The following PPHLN1 variants were observed in gnomAD, a reference collection of about 807,000 sequenced individuals.
PPHLN1 encodes periphilin-1.
In PPHLN1, 29 loss-of-function variants were observed where a neutral mutation model predicts 51.3. The observed-to-expected ratio is 0.57, with a 90% CI of 0.42 to 0.77. The LOEUF is 0.77. Among genes scored for constraint, PPHLN1 ranks in the 30% least tolerant of loss-of-function variants. The pLI is 0.00. For synonymous variants in PPHLN1, 147 were observed against 147.8 expected (o/e 0.99, Z 0.04); for missense variants, 436 against 438.4 (o/e 0.99, Z 0.05).
At chr12:42,365,655 T>G (rs1385843306) in intron 4 of PPHLN1, among the ~76,000 whole-genome samples, 1 of 152,226 alleles carries the variant, frequency 6.6e-6, no homozygotes, top group East Asian at 1.9e-4. Context: ...TGAGAGACAG[T>G]GCCTTATGGG....
intron 9 of PPHLN1, among the ~76,000 whole-genome samples, chr12:42,435,650 G>T (rs2082417199): frequency 6.6e-6 from 1 of 151,808 alleles, no homozygotes; most frequent in Non-Finnish European, 1.5e-5. Context: ...CGCCCCAATT[G>T]GAGTTTCTTT....
chr12:42,365,770 C>T (rs1462586449), intron 4 of PPHLN1, among the ~76,000 whole-genome samples: 3 of 152,194 alleles, frequency 2.0e-5, no homozygotes, highest in Non-Finnish European at 2.9e-5. Flanking sequence ...ACTGTCCTAA[C>T]TCTCAGGCTG....
chr12:42,442,832 G>GA, downstream of PPHLN1: 2 of 1,582,296 alleles, frequency 1.3e-6, no homozygotes. Context: ...CCACACAACA[G>GA]AAACAGTATA....
At chr12:42,351,691 G>A (rs961021983) in intron 2 of PPHLN1, among the ~76,000 whole-genome samples, 194 bp from the exon 3 acceptor site, 40 of 152,102 alleles carry the variant, frequency 2.6e-4, no homozygotes, top group Middle Eastern at 3.4e-3. Flanking sequence ...GGCTTTCTTC[G>A]TTGAACAACT....
intron 9 of PPHLN1, among the ~76,000 whole-genome samples, chr12:42,404,269 C>G (rs2079089445): frequency 6.6e-6 from 1 of 152,210 alleles, no homozygotes; most frequent in Non-Finnish European, 1.5e-5. Context: ...TGGCTCACGC[C>G]TGTAATCCCA....
intron 1 of PPHLN1, among the ~76,000 whole-genome samples, chr12:42,328,707 CTTTTTATT>C (rs781086675): frequency 5.9e-5 from 9 of 152,092 alleles, no homozygotes; most frequent in Non-Finnish European, 1.0e-4. Flanking sequence ...GAATGCAGTA[CTTTTTATT>C]TTTTTATTTT....
chr12:42,438,844 C>T (rs1267789055), intron 9 of PPHLN1, among the ~76,000 whole-genome samples: 6 of 152,126 alleles, frequency 3.9e-5, no homozygotes, highest in African/African-American at 9.7e-5. Flanking sequence ...CCTCGTGATC[C>T]GCCTGCCTCA....
At position 42,374,863 on chromosome 12, in the gene PPHLN1, G is replaced by A; in HGVS notation, c.300G>A (p.Arg100=). The change falls in exon 5 of 10, where the codon AGG becomes AGA. Residue 100 remains arginine (R), a splice_region_variant and synonymous_variant. Coordinates refer to ENST00000358314, the MANE Select transcript of PPHLN1 (RefSeq NM_201439.2). The stretch of plus-strand genomic sequence containing the variant: ...TTTTATGTTTTTTTTTTTTTCAAAG[G>A]GACATGAGAGATGGCTTTAGAAGAA... ...DHSASRQPEY[R]DMRDGFRRKS... 1 of 1,591,010 alleles carries A rather than the reference G, an allele frequency of 6.3e-7. No homozygotes were observed. The highest frequency in any genetic ancestry group is 1.4e-5 in the African/African-American group (1 of 73,302).
chr12:42,350,777 A>G (rs2073216744), intron 2 of PPHLN1, among the ~76,000 whole-genome samples: 1 of 152,168 alleles, frequency 6.6e-6, no homozygotes. Flanking sequence ...AGCCCGGCCA[A>G]CACGGCGAAA....
intron 9 of PPHLN1, among the ~76,000 whole-genome samples, chr12:42,426,172 C>CACACACA (rs2081440159): frequency 2.5e-5 from 3 of 122,188 alleles, no homozygotes; most frequent in African/African-American, 3.5e-5. Context: ...AGACTTGACA[C>CACACACA]CACACACACA....
chr12:42,378,592 TA>T (rs35199538), intron 5 of PPHLN1, among the ~76,000 whole-genome samples: 30,018 of 151,666 alleles, frequency 0.2, 3,346 homozygotes, highest in African/African-American at 0.3. Context: ...ATGCCCTCAT[TA>T]AAAAAAATTA....
chr12:42,418,968 T>G (rs996045554), intron 9 of PPHLN1, among the ~76,000 whole-genome samples: 2 of 152,166 alleles, frequency 1.3e-5, no homozygotes, highest in Non-Finnish European at 2.9e-5. Context: ...TCACAAAAGG[T>G]AAGATATTAT....
At chr12:42,407,415 A>G (rs1215888992) in intron 9 of PPHLN1, among the ~76,000 whole-genome samples, 2 of 152,202 alleles carry the variant, frequency 1.3e-5, no homozygotes, top group African/African-American at 4.8e-5. Flanking sequence ...CTTGCTTATG[A>G]CATGGCCTCC....
intron 1 of PPHLN1, 59 bp downstream of exon 1, chr12:42,326,288 G>T (rs921965733): frequency 2.0e-5 from 3 of 152,386 alleles, no homozygotes; most frequent in Non-Finnish European, 2.9e-5. Flanking sequence ...CTGCTAAACG[G>T]GGGGGAGTGG....
chr12:42,413,555 T>C (rs2080084525), intron 9 of PPHLN1, among the ~76,000 whole-genome samples: 1 of 150,834 alleles, frequency 6.6e-6, no homozygotes, highest in Non-Finnish European at 1.5e-5. Flanking sequence ...TGTGTGTGTG[T>C]GTGTGTGTGT....
At chr12:42,333,300 T>G (rs2070071822) in intron 1 of PPHLN1, among the ~76,000 whole-genome samples, 1 of 152,116 alleles carries the variant, frequency 6.6e-6, no homozygotes, top group Admixed American at 6.5e-5. Flanking sequence ...GCAATTTAAT[T>G]TGTGCTATTT....
intron 9 of PPHLN1, among the ~76,000 whole-genome samples, chr12:42,403,159 C>T (rs1239976913): frequency 6.6e-6 from 1 of 152,114 alleles, no homozygotes; most frequent in Non-Finnish European, 1.5e-5. Flanking sequence ...ATAATAGAAA[C>T]ATTCTTTGTT....
Position 42,441,733 on chromosome 12 carries a change from T to A in PPHLN1, c.*224T>A. ...ATGGGGTTCACCATGTTGGCCAGGC[T>A]AGTCTCTAACTCCTGGCCTCAAGTG... On this transcript the variant is annotated 3_prime_UTR_variant, in exon 10 of 10. Coordinates refer to ENST00000358314, the MANE Select transcript of PPHLN1 (RefSeq NM_201439.2). 4 of 1,162,940 alleles carry A rather than the reference T, an allele frequency of 3.4e-6. No individual in the cohort carries two copies. The highest frequency in any genetic ancestry group is 4.3e-6 in the Non-Finnish European group (4 of 923,090). 72.0% of individuals were successfully genotyped at this position (1,162,940 alleles called of 1,614,324 possible).
chr12:42,436,255 C>T (rs533191811), intron 9 of PPHLN1, among the ~76,000 whole-genome samples: 2 of 151,098 alleles, frequency 1.3e-5, no homozygotes, highest in Middle Eastern at 6.8e-3. Context: ...GATGTCTGCA[C>T]TTGGCTCTTA....
Sources: gnomAD v4.1 joint callset for allele counts (sites outside exome capture counted in the v4.1 genomes callset) on GRCh38, gnomAD v4.1.1 for gene constraint, MANE v1.5 for transcripts, NCBI Gene and HGNC (gene_info 2026-07-23, HGNC 2026-07-21) for gene names.